Variants in FHOD3 observed in about 807,000 individuals in gnomAD.
FHOD3 encodes the protein FH1/FH2 domain-containing protein 3.
A neutral mutation model predicts 173.0 loss-of-function variants in FHOD3; 90 were observed. The observed-to-expected ratio is 0.52, with a 90% CI of 0.44 to 0.62. FHOD3 has a LOEUF of 0.62. Among genes scored for constraint, FHOD3 ranks in the 20% least tolerant of loss-of-function variants. The pLI is 0.00. For synonymous variants in FHOD3, 828 were observed against 823.0 expected (o/e 1.01, Z -0.10); for missense variants, 1,945 against 2,034.7 (o/e 0.96, Z 0.85).
intron 21 of FHOD3, among the ~76,000 whole-genome samples, chr18:36,741,690 G>T (rs2041909982): frequency 6.6e-6 from 1 of 152,040 alleles, no homozygotes; most frequent in South Asian, 2.1e-4. Flanking sequence ...AGGATCACTT[G>T]GGGCCAGGAG....
At chr18:36,687,072 G>A in intron 15 of FHOD3, 56 bp from the exon 16 acceptor site, 2 of 1,286,720 alleles carry the variant, frequency 1.6e-6, no homozygotes, top group Non-Finnish European at 2.2e-6. Flanking sequence ...AATTTTCTGA[G>A]TATCTAATTC....
chr18:36,681,154 A>G (rs111729002), intron 14 of FHOD3, among the ~76,000 whole-genome samples: 19 of 152,296 alleles, frequency 1.2e-4, no homozygotes, highest in Admixed American at 9.8e-4. Flanking sequence ...GAATACTTCT[A>G]TAACTCCCAT....
chr18:36,729,914 A>G (rs2041267764), intron 19 of FHOD3, among the ~76,000 whole-genome samples: 3 of 152,234 alleles, frequency 2.0e-5, no homozygotes, highest in Non-Finnish European at 4.4e-5. Context: ...GAAGCCACAC[A>G]TAAAAGGGCT....
chr18:36,613,084 T>C (rs537274879), intron 9 of FHOD3, among the ~76,000 whole-genome samples: 2 of 152,382 alleles, frequency 1.3e-5, no homozygotes, highest in African/African-American at 4.8e-5. Context: ...CAAATCCATC[T>C]TGAAGGGAAA....
At chr18:36,673,225 G>A (rs1027039803) in intron 14 of FHOD3, among the ~76,000 whole-genome samples, 2 of 152,076 alleles carry the variant, frequency 1.3e-5, no homozygotes, top group Non-Finnish European at 2.9e-5. Context: ...GTCTTGTATC[G>A]TTCTTCTGGC....
At chr18:36,604,203 CT>C (rs138691684) in intron 8 of FHOD3, among the ~76,000 whole-genome samples, 1,952 of 152,280 alleles carry the variant, frequency 0.013, 46 homozygotes, top group African/African-American at 0.045. Context: ...ATGGGCCTTC[CT>C]TGTACTCTCC....
At chr18:36,419,407 A>G (rs919222011) in intron 3 of FHOD3, among the ~76,000 whole-genome samples, 1 of 151,974 alleles carries the variant, frequency 6.6e-6, no homozygotes, top group African/African-American at 2.4e-5. Context: ...TGGAGCTCCC[A>G]GTTTAGCTGT....
At chr18:36,326,544 G>C (rs1156529626) in intron 1 of FHOD3, among the ~76,000 whole-genome samples, 1 of 152,118 alleles carries the variant, frequency 6.6e-6, no homozygotes, top group African/African-American at 2.4e-5. Context: ...GAGGCGGGAG[G>C]ATCTCTTAAG....
chr18:36,435,115 T>C (rs972412777), intron 3 of FHOD3, among the ~76,000 whole-genome samples: 1 of 151,778 alleles, frequency 6.6e-6, no homozygotes, highest in Non-Finnish European at 1.5e-5. Context: ...TTTTTTTTTT[T>C]TCTGGTCAAG....
At chr18:36,359,917 A>G (rs997363868) in intron 2 of FHOD3, among the ~76,000 whole-genome samples, 1 of 152,228 alleles carries the variant, frequency 6.6e-6, no homozygotes, top group East Asian at 1.9e-4. Context: ...TTACAGTCCA[A>G]TTCTGGAAAG....
chr18:36,505,056 G>A (rs77769918), intron 4 of FHOD3, among the ~76,000 whole-genome samples: 3,036 of 152,228 alleles, frequency 0.02, 103 homozygotes, highest in African/African-American at 0.069. Flanking sequence ...GCCCACAAAG[G>A]GCAATAAAAT....
In FHOD3 at chr18:36,762,711, G is replaced by C. The variant is rs541307046; in HGVS notation, c.4624+1929G>C. ...CTGGGGAGGCTGAGGCAGGAGAATT[G>C]CTTGAACCTTGGAGGTGGAGGTTGC... On this transcript the variant is annotated intron_variant, in intron 27 of 28. Transcript: ENST00000590592. Among the ~76,000 whole-genome samples the C allele has an allele frequency of 3.1e-3, 464 of 151,736 alleles. 3 individuals carry two copies. The highest frequency in any genetic ancestry group is 0.011 in the African/African-American group (442 of 41,350).
Position 36,568,491 on chromosome 18 carries a change from C to A in FHOD3, c.512-7960C>A, listed in dbSNP as rs578183940. The stretch of plus-strand genomic sequence containing the variant: ...CACACACGTGAAAGTTTTATGTGAA[C>A]CCCTGGGCTCCACACAGACTGCATG... On this transcript the variant is annotated intron_variant, in intron 5 of 28. Coordinates refer to ENST00000590592, the MANE Select transcript of FHOD3 (RefSeq NM_001281740.3). Among the ~76,000 whole-genome samples the A allele has an allele frequency of 1.1e-4, 16 of 151,830 alleles. No individual in the cohort carries two copies. In the East Asian group the frequency reaches 2.7e-3, roughly 26 times the overall value.
Position 36,542,049 on chromosome 18 carries a change from A to G in FHOD3, c.511+29506A>G, listed in dbSNP as rs60832822. Among the ~76,000 whole-genome samples the G allele has an allele frequency of 3.2e-3, 487 of 152,322 alleles. 3 individuals carry two copies. The highest frequency in any genetic ancestry group is 0.011 in the African/African-American group (474 of 41,574). On this transcript the variant is annotated intron_variant, in intron 5 of 28. Transcript: ENST00000590592. ...ACCAGCCCCACATCAAAGCTGTTTT[A>G]CAAATGGGAATTTGGATCCCGGTTT...
chr18:36,770,464 A>G (rs1227209582), intron 28 of FHOD3, among the ~76,000 whole-genome samples: 1 of 152,228 alleles, frequency 6.6e-6, no homozygotes, highest in East Asian at 1.9e-4. Flanking sequence ...TCCAGGATAC[A>G]GAACACTAAC....
intron 20 of FHOD3, among the ~76,000 whole-genome samples, chr18:36,736,381 C>A (rs1483292611): frequency 1.3e-5 from 2 of 152,222 alleles, no homozygotes; most frequent in Non-Finnish European, 2.9e-5. Context: ...GTGTGACAGC[C>A]TTTAGCGCCC....
intron 17 of FHOD3, among the ~76,000 whole-genome samples, chr18:36,700,790 A>AC (rs146001193): frequency 0.18 from 27,443 of 151,808 alleles, 2,671 homozygotes; most frequent in African/African-American, 0.23. Flanking sequence ...CACCACAGCC[A>AC]CCCCCCAACA....
intron 3 of FHOD3, among the ~76,000 whole-genome samples, chr18:36,381,206 G>T (rs2047765863): frequency 6.6e-6 from 1 of 152,222 alleles, no homozygotes. Context: ...AGGCTTCAAA[G>T]GATGGTGTTC....
chr18:36,464,832 C>CTCTG (rs2052808639), intron 3 of FHOD3, among the ~76,000 whole-genome samples: 1 of 152,038 alleles, frequency 6.6e-6, no homozygotes. Context: ...TGCTCCCACC[C>CTCTG]TCTGTCTCTC....
Sources: allele counts gnomAD v4.1 joint callset (sites outside exome capture counted in the v4.1 genomes callset), GRCh38; gene constraint gnomAD v4.1.1; transcripts MANE v1.5; gene names NCBI Gene and HGNC (gene_info 2026-07-23, HGNC 2026-07-21).